ZFPM2: variants seen among roughly 807,000 people sequenced by gnomAD.
ZFPM2 encodes zinc finger protein ZFPM2.
In ZFPM2, 20 loss-of-function variants were observed where a neutral mutation model predicts 98.6. The ratio of observed to expected loss-of-function variants is 0.20; its 90% CI spans 0.14 to 0.29. The LOEUF is 0.29. Ranked by LOEUF, ZFPM2 falls within the 10% of genes least tolerant of loss-of-function variation. The pLI is 1.00. For missense variants in ZFPM2, 1,310 were observed against 1,388.6 expected (o/e 0.94, Z 0.90); for synonymous variants, 518 against 502.7 (o/e 1.03, Z -0.41).
intron 3 of ZFPM2, among the ~76,000 whole-genome samples, chr8:105,505,403 TA>T (rs1813678525): frequency 6.6e-6 from 1 of 152,156 alleles, no homozygotes; most frequent in Non-Finnish European, 1.5e-5. Context: ...ACACAGCACA[TA>T]GGGGAATGCG....
intron 1 of ZFPM2, among the ~76,000 whole-genome samples, chr8:105,331,241 A>G (rs2129635902): frequency 6.6e-6 from 1 of 151,496 alleles, no homozygotes; most frequent in South Asian, 2.1e-4. Flanking sequence ...AATTCTTACA[A>G]ATGGAAAAAA....
chr8:105,709,110 G>T (rs190902365), intron 5 of ZFPM2, among the ~76,000 whole-genome samples: 11 of 152,136 alleles, frequency 7.2e-5, no homozygotes, highest in African/African-American at 2.2e-4. Flanking sequence ...GCTCTCTGAT[G>T]TGCCTTTTGA....
At chr8:105,366,170 A>T (rs988392513) in intron 1 of ZFPM2, among the ~76,000 whole-genome samples, 8 of 152,272 alleles carry the variant, frequency 5.3e-5, no homozygotes, top group African/African-American at 9.6e-5. Flanking sequence ...AACACATTGA[A>T]TTGAGGTCAG....
At chr8:105,715,733 C>A (rs1179252448) in intron 5 of ZFPM2, among the ~76,000 whole-genome samples, 2 of 151,884 alleles carry the variant, frequency 1.3e-5, no homozygotes, top group Non-Finnish European at 2.9e-5. Context: ...GTGACTGATT[C>A]CAGTCCTGGT....
chr8:105,613,376 T>G (rs981328409), intron 4 of ZFPM2, among the ~76,000 whole-genome samples: 2 of 152,084 alleles, frequency 1.3e-5, no homozygotes, highest in South Asian at 4.2e-4. Context: ...TAATTACTAT[T>G]AGAGTAAATG....
intron 4 of ZFPM2, among the ~76,000 whole-genome samples, chr8:105,592,157 AC>A (rs1477360752): frequency 2.0e-5 from 3 of 151,928 alleles, no homozygotes; most frequent in Non-Finnish European, 4.4e-5. Flanking sequence ...AAGGAGGGAG[AC>A]TCAAAGCAAA....
chr8:105,591,308 A>G (rs546100114), intron 4 of ZFPM2, among the ~76,000 whole-genome samples: 1 of 152,060 alleles, frequency 6.6e-6, no homozygotes, highest in Non-Finnish European at 1.5e-5. Flanking sequence ...TTAATAAATA[A>G]TATTGCTTTA....
intron 3 of ZFPM2, among the ~76,000 whole-genome samples, chr8:105,504,381 C>G (rs1187700761): frequency 1.3e-5 from 2 of 152,130 alleles, no homozygotes; most frequent in Admixed American, 1.3e-4. Context: ...GGCTCCATGT[C>G]CCTCACATGA....
intron 2 of ZFPM2, among the ~76,000 whole-genome samples, chr8:105,425,617 T>C (rs530075992): frequency 1.3e-5 from 2 of 152,212 alleles, no homozygotes; most frequent in African/African-American, 4.8e-5. Context: ...CCAGGCTCAT[T>C]GAAATGTTTC....
intron 4 of ZFPM2, among the ~76,000 whole-genome samples, chr8:105,600,945 T>C (rs1816079713): frequency 1.3e-5 from 2 of 152,146 alleles, no homozygotes; most frequent in South Asian, 4.1e-4. Context: ...AGAATACATG[T>C]AGATATAGTC....
At chr8:105,679,553 G>A (rs910466960) in intron 5 of ZFPM2, among the ~76,000 whole-genome samples, 5 of 152,016 alleles carry the variant, frequency 3.3e-5, no homozygotes, top group Non-Finnish European at 7.4e-5. Context: ...GGTGAGAGTG[G>A]TTTATTGAAA....
chr8:105,445,940 A>G (rs1812360775), intron 3 of ZFPM2, among the ~76,000 whole-genome samples: 1 of 148,516 alleles, frequency 6.7e-6, no homozygotes, highest in Non-Finnish European at 1.5e-5. Context: ...TTTTTTTTTG[A>G]GACAGAGTCT....
rs1163873848 is a variant in ZFPM2, at chr8:105,627,303, T to C, written c.421-6943T>C. Among the ~76,000 whole-genome samples the C allele has an allele frequency of 2.6e-5, 4 of 152,208 alleles. 1 individual carries two copies. The highest frequency in any genetic ancestry group is 2.0e-4 in the Admixed American group (3 of 15,282). ...TGACACTTTTGACCCATTTTGTCCT[T>C]GTCAAGTTTGTCTAGTTGTGGGCTG... On this transcript the variant is annotated intron_variant, in intron 4 of 7. Transcript: ENST00000407775.
chr8:105,654,592 T>G (rs1489283326), intron 5 of ZFPM2, among the ~76,000 whole-genome samples: 1 of 151,778 alleles, frequency 6.6e-6, no homozygotes, highest in Non-Finnish European at 1.5e-5. Context: ...TTTTTAAAAA[T>G]GAAAGCACCT....
At chr8:105,338,435 T>C (rs1187977477) in intron 1 of ZFPM2, among the ~76,000 whole-genome samples, 1 of 151,876 alleles carries the variant, frequency 6.6e-6, no homozygotes, top group Non-Finnish European at 1.5e-5. Flanking sequence ...TGCTCTTTTC[T>C]GGTCAGGAAA....
chr8:105,530,264 A>G (rs1280719580), intron 3 of ZFPM2, among the ~76,000 whole-genome samples: 3 of 152,090 alleles, frequency 2.0e-5, no homozygotes, highest in South Asian at 2.1e-4. Context: ...AACTTTCATA[A>G]TCTTTATGAA....
At chr8:105,348,697 A>G (rs1335630130) in intron 1 of ZFPM2, among the ~76,000 whole-genome samples, 1 of 152,208 alleles carries the variant, frequency 6.6e-6, no homozygotes, top group Non-Finnish European at 1.5e-5. Flanking sequence ...GGGGGCAGGT[A>G]TAGCAGTAAA....
At chr8:105,516,915 G>A (rs1813935726) in intron 3 of ZFPM2, among the ~76,000 whole-genome samples, 1 of 152,166 alleles carries the variant, frequency 6.6e-6, no homozygotes, top group African/African-American at 2.4e-5. Context: ...CAGTGATAAA[G>A]TAAAAATGCC....
At chr8:105,554,580 A>T (rs1239510484) in intron 3 of ZFPM2, among the ~76,000 whole-genome samples, 1 of 152,184 alleles carries the variant, frequency 6.6e-6, no homozygotes, top group Non-Finnish European at 1.5e-5. Context: ...CTATGGCCTG[A>T]TAAATATTGT....
Sources: gnomAD v4.1 joint callset for allele counts (sites outside exome capture counted in the v4.1 genomes callset) on GRCh38, gnomAD v4.1.1 for gene constraint, MANE v1.5 for transcripts, NCBI Gene and HGNC (gene_info 2026-07-23, HGNC 2026-07-21) for gene names.